The following MBP variants were observed in gnomAD, a reference collection of about 807,000 sequenced individuals.
MBP encodes the protein Golli-MBP.
Under a neutral mutation model 35.8 loss-of-function variants are expected in MBP, and 16 were observed. The ratio of observed to expected loss-of-function variants is 0.45; its 90% CI spans 0.30 to 0.68. MBP has a LOEUF of 0.68. Ranked by LOEUF, MBP falls within the 30% of genes least tolerant of loss-of-function variation. The pLI, the probability that MBP is intolerant of heterozygous loss-of-function variation, is 0.08. For missense variants in MBP, 380 were observed against 404.7 expected (o/e 0.94, Z 0.52); for synonymous variants, 143 against 159.6 (o/e 0.90, Z 0.78).
chr18:77,030,152 C>T (rs1972489489), intron 3 of MBP, among the ~76,000 whole-genome samples: 1 of 151,960 alleles, frequency 6.6e-6, no homozygotes, highest in Non-Finnish European at 1.5e-5. Flanking sequence ...GGGAATCAGG[C>T]AATGGTTAGG....
At chr18:77,094,558 T>A (rs1490406055) in intron 2 of MBP, among the ~76,000 whole-genome samples, 1 of 152,256 alleles carries the variant, frequency 6.6e-6, no homozygotes, top group African/African-American at 2.4e-5. Flanking sequence ...TACTTGTACA[T>A]TTGTGCTATG....
intron 4 of MBP, among the ~76,000 whole-genome samples, chr18:76,999,841 T>A (rs1970535697): frequency 1.3e-5 from 2 of 152,238 alleles, no homozygotes; most frequent in Admixed American, 1.3e-4. Context: ...AAGCCAAAAC[T>A]GTGAACATTT....
In MBP at chr18:76,988,642, C is replaced by T; in HGVS notation, c.718-115G>A. The T allele has an allele frequency of 6.6e-7, 1 of 1,512,920 alleles. No individual in the cohort carries two copies. The highest frequency in any genetic ancestry group is 1.3e-5 in the South Asian group (1 of 75,816). 93.7% of individuals were successfully genotyped at this position (1,512,920 alleles called of 1,614,324 possible). On this transcript the variant is annotated intron_variant, in intron 6 of 8. Coordinates refer to ENST00000355994, the MANE Select transcript of MBP (RefSeq NM_001025101.2). This position sits in a 1 kb window ranked among gnomAD's most constrained non-coding sequence, Gnocchi z 5.2. ...GAGCTGAGGTGGTAAAAACAGGTTC[C>T]ACCCGGAGCTCCGAGGGGGGCCGCA...
chr18:77,016,803 C>T, intron 4 of MBP, 29 bp downstream of exon 4: 1 of 1,608,334 alleles, frequency 6.2e-7, no homozygotes, highest in Non-Finnish European at 8.5e-7. Context: ...TCCATTTAAA[C>T]TAAAACTCCT....
chr18:77,028,602 G>T (rs1423299263), intron 3 of MBP, among the ~76,000 whole-genome samples: 4 of 77,800 alleles, frequency 5.1e-5, no homozygotes, highest in Non-Finnish European at 6.9e-5. Context: ...CGGACGGGGC[G>T]GCTGGCCGGG....
At chr18:76,991,639 C>T (rs1019756200) in intron 4 of MBP, among the ~76,000 whole-genome samples, 1 of 152,170 alleles carries the variant, frequency 6.6e-6, no homozygotes, top group Non-Finnish European at 1.5e-5. Context: ...CTGCTGCTCC[C>T]AGATGCTACT....
At chr18:77,111,361 G>T (rs1357733884) in intron 1 of MBP, among the ~76,000 whole-genome samples, 2 of 152,192 alleles carry the variant, frequency 1.3e-5, no homozygotes, top group African/African-American at 2.4e-5. Context: ...TAATAAAGGA[G>T]ATACCATGTA....
Position 76,985,476 on chromosome 18 carries a change from G to A in MBP, c.751-582C>T, listed in dbSNP as rs148198821. On this transcript the variant is annotated intron_variant, in intron 7 of 8. Coordinates refer to ENST00000355994, the MANE Select transcript of MBP (RefSeq NM_001025101.2). ...CGGCCTTAGTAAAATGTCGAGCCTC[G>A]TATCTTTTATAAGGTTTTGAGACAA... 66 of 1,185,904 alleles carry A rather than the reference G, an allele frequency of 5.6e-5. 1 individual carries two copies. In the South Asian group the frequency reaches 7.3e-4, roughly 13 times the overall value. The allele number at this position is 1,185,904 out of a possible 1,614,324, so 73.5% of individuals were successfully genotyped here.
intron 4 of MBP, among the ~76,000 whole-genome samples, chr18:76,990,493 G>A (rs1262337975): frequency 1.3e-5 from 2 of 152,182 alleles, no homozygotes; most frequent in African/African-American, 4.8e-5. Context: ...AGGGATGAGG[G>A]ATTTGATCAG....
chr18:77,120,461 G>GC (rs1286717521), intron 1 of MBP, among the ~76,000 whole-genome samples: 14 of 152,178 alleles, frequency 9.2e-5, no homozygotes, highest in Non-Finnish European at 1.2e-4. Context: ...CTTTCAGGAA[G>GC]CCCCCCAGGC....
chr18:77,018,676 C>T (rs569407142), intron 3 of MBP, among the ~76,000 whole-genome samples: 51 of 147,850 alleles, frequency 3.4e-4, no homozygotes, highest in African/African-American at 1.2e-3. Context: ...ATCCATCTAT[C>T]CATCCATTCC....
chr18:77,079,554 G>A (rs950415193), intron 2 of MBP, among the ~76,000 whole-genome samples: 2 of 152,206 alleles, frequency 1.3e-5, no homozygotes, highest in African/African-American at 4.8e-5. Flanking sequence ...TATCTCTTCA[G>A]AGGTAAGCAG....
intron 2 of MBP, among the ~76,000 whole-genome samples, chr18:77,094,362 A>G (rs1329450391): frequency 6.6e-6 from 1 of 152,198 alleles, no homozygotes; most frequent in Non-Finnish European, 1.5e-5. Context: ...GCACCACACA[A>G]GTCAGCAGGG....
intron 4 of MBP, among the ~76,000 whole-genome samples, chr18:76,994,064 C>T (rs900769789): frequency 6.6e-6 from 1 of 152,234 alleles, no homozygotes; most frequent in African/African-American, 2.4e-5. Context: ...ACTAACCAGC[C>T]TTGTACGTTC....
rs767465851 is a variant in MBP at position 76,980,350 on chromosome 18, CA to C, written c.*76del. ...GGGGTCATCTGCTCTAATTAGGTAACAGGGGCAAGTGGGATTAAAGTTTTAA... is the reference window on the plus strand; with the variant it reads ...GGGGTCATCTGCTCTAATTAGGTAACGGGGCAAGTGGGATTAAAGTTTTAA... On this transcript the variant is annotated 3_prime_UTR_variant, in exon 9 of 9. Coordinates refer to ENST00000355994, the MANE Select transcript of MBP (RefSeq NM_001025101.2). 22 of 1,355,272 alleles carry C rather than the reference CA, an allele frequency of 1.6e-5. No individual in the cohort carries two copies. Among genetic ancestry groups the C allele is most frequent in the Middle Eastern group, 1.8e-4 (1 of 5,540 alleles). 84.0% of individuals were successfully genotyped at this position (1,355,272 alleles called of 1,614,324 possible).
In MBP at chr18:76,989,140, A is replaced by T. The variant is rs1042856255; in HGVS notation, c.682-228T>A. 2 of 686,624 alleles carry T rather than the reference A, an allele frequency of 2.9e-6. No individual in the cohort carries two copies. Among genetic ancestry groups the T allele is most frequent in the African/African-American group, 1.8e-5 (1 of 56,966 alleles). The allele number at this position is 686,624 out of a possible 1,614,324, so 42.5% of individuals were successfully genotyped here. ...GAGCACTCAGGAAGTGTTTCAGAGG[A>T]TGGAAAACACCTCCCAGAGGCTCCG... On this transcript the variant is annotated intron_variant, in intron 5 of 8. Transcript: ENST00000355994. This position sits in a 1 kb window ranked among gnomAD's most constrained non-coding sequence, Gnocchi z 4.0.
At position 77,016,426 on chromosome 18, in the gene MBP, C is replaced by T. The variant is rs1040624782; in HGVS notation, c.576+406G>A. 8.9e-6 allele frequency: 9 copies of T among 1,016,916 alleles called. No homozygotes were observed. In the Admixed American group the frequency reaches 2.6e-4, roughly 30 times the overall value. The allele number at this position is 1,016,916 out of a possible 1,614,324, so 63.0% of individuals were successfully genotyped here. A position where few individuals can be genotyped will look rare whatever the true frequency, so the allele number is the denominator to read the frequency against. Reference sequence around the variant, plus strand: ...TAGCAGCACTGACTCCAGGAAAAAACGAGCATAACCCAGTGTTGAACCCCA... The same window carrying T: ...TAGCAGCACTGACTCCAGGAAAAAATGAGCATAACCCAGTGTTGAACCCCA... On this transcript the variant is annotated intron_variant, in intron 4 of 8. Coordinates refer to ENST00000355994, the MANE Select transcript of MBP (RefSeq NM_001025101.2).
intron 7 of MBP, chr18:76,985,136 C>T (rs1969472582): frequency 1.3e-6 from 2 of 1,539,908 alleles, no homozygotes; most frequent in African/African-American, 2.7e-5. Flanking sequence ...CGGAGGCTCT[C>T]TCATGAGATA....
At chr18:77,029,935 G>A (rs1972480861) in intron 3 of MBP, among the ~76,000 whole-genome samples, 2 of 152,148 alleles carry the variant, frequency 1.3e-5, no homozygotes, top group Non-Finnish European at 2.9e-5. Flanking sequence ...TATCCTTCTT[G>A]TAGGTCTGAC....
Sources: gnomAD v4.1 joint callset for allele counts (sites outside exome capture counted in the v4.1 genomes callset) on GRCh38, gnomAD v4.1.1 for gene constraint, Gnocchi (gnomAD v3.1) non-coding constraint, MANE v1.5 for transcripts, NCBI Gene and HGNC (gene_info 2026-07-23, HGNC 2026-07-21) for gene names.